GLIS1: variants seen among roughly 807,000 people sequenced by gnomAD.
GLIS1 encodes GLIS family zinc finger 1.
A neutral mutation model predicts 63.8 loss-of-function variants in GLIS1; 24 were observed. The ratio of observed to expected loss-of-function variants is 0.38; its 90% CI spans 0.27 to 0.53. The LOEUF (loss-of-function observed/expected upper bound fraction) is 0.53. GLIS1 is among the 20% of genes least tolerant of loss of function. The pLI, the probability that GLIS1 is intolerant of heterozygous loss-of-function variation, is 0.85. For missense variants in GLIS1, 1,036 were observed against 1,074.1 expected (o/e 0.96, Z 0.50); for synonymous variants, 450 against 482.5 (o/e 0.93, Z 0.88).
At chr1:53,528,147 C>A (rs976312288) in intron 5 of GLIS1, among the ~76,000 whole-genome samples, 2 of 152,076 alleles carry the variant, frequency 1.3e-5, no homozygotes, top group African/African-American at 4.8e-5. Context: ...TGCCACGGGC[C>A]CCTTGGGCTG....
Position 53,558,181 on chromosome 1 carries a change from A to T in GLIS1, c.1321-28229T>A, listed in dbSNP as rs553007899. Among the ~76,000 whole-genome samples the T allele has an allele frequency of 7.5e-4, 115 of 152,356 alleles. No individual in the cohort carries two copies. The Middle Eastern group carries it at 0.014, about 18-fold the overall frequency. ...AGCCTGCCCTCGGAGGTGCAACAGC[A>T]CGCAGGTGGGGTGGCTGCCACAGAG... On this transcript the variant is annotated intron_variant, in intron 4 of 10. Transcript: ENST00000628545.
At position 53,646,415 on chromosome 1, in the gene GLIS1, C is replaced by T. The variant is rs895370774; in HGVS notation, c.260-46137G>A. On this transcript the variant is annotated intron_variant, in intron 2 of 10. Transcript: ENST00000628545. This position sits in a 1 kb window ranked among gnomAD's most constrained non-coding sequence, Gnocchi z 4.2. ...CAATTATATACTTATCTACAATAAA[C>T]AGTAAAGGGAATTTTTTAGATATCA... Among the ~76,000 whole-genome samples the T allele has an allele frequency of 6.6e-6, 1 of 152,096 alleles. No homozygotes were observed. Among genetic ancestry groups the T allele is most frequent in the African/African-American group, 2.4e-5 (1 of 41,410 alleles).
At chr1:53,711,397 A>T (rs1200837898) in intron 2 of GLIS1, among the ~76,000 whole-genome samples, 1 of 152,210 alleles carries the variant, frequency 6.6e-6, no homozygotes, top group Non-Finnish European at 1.5e-5. Flanking sequence ...GTGTCAATTA[A>T]AAACAAAAGA....
chr1:53,700,158 A>G (rs11206197), intron 2 of GLIS1, among the ~76,000 whole-genome samples: 39,256 of 152,038 alleles, frequency 0.26, 5,546 homozygotes, highest in African/African-American at 0.38. Flanking sequence ...AAATGGGAAC[A>G]TCTACAGTGC....
intron 2 of GLIS1, among the ~76,000 whole-genome samples, chr1:53,627,688 C>G (rs922081137): frequency 1.3e-5 from 2 of 152,186 alleles, no homozygotes; most frequent in African/African-American, 4.8e-5. Context: ...AAAGAGATAG[C>G]AGAATGCAGG....
At chr1:53,685,097 G>A (rs185370879) in intron 2 of GLIS1, among the ~76,000 whole-genome samples, 1 of 152,226 alleles carries the variant, frequency 6.6e-6, no homozygotes, top group African/African-American at 2.4e-5. Context: ...AGAAGAGGGT[G>A]GGGAGGCATT....
chr1:53,704,142 T>A (rs774736399), intron 2 of GLIS1, among the ~76,000 whole-genome samples: 4 of 152,240 alleles, frequency 2.6e-5, no homozygotes, highest in African/African-American at 4.8e-5. Context: ...TATGTGGCCT[T>A]TGAAAAGTCT....
intron 8 of GLIS1, 49 bp downstream of exon 8, chr1:53,514,576 G>C: frequency 6.3e-7 from 1 of 1,584,878 alleles, no homozygotes. Flanking sequence ...GCCTCCCCCC[G>C]AGATCCCCCC....
In GLIS1 at chr1:53,610,367, T is replaced by C. The variant is rs572658632; in HGVS notation, c.260-10089A>G. Among the ~76,000 whole-genome samples the C allele has an allele frequency of 7.9e-5, 12 of 152,358 alleles. No individual in the cohort carries two copies. The East Asian group carries it at 2.1e-3, about 27-fold the overall frequency. ...TTGTAAGCCTACTGGCAAGGAATTATCTCAACTTTTTCTGGGACCCAAACA... is the reference window on the plus strand; with the variant it reads ...TTGTAAGCCTACTGGCAAGGAATTACCTCAACTTTTTCTGGGACCCAAACA... On this transcript the variant is annotated intron_variant, in intron 2 of 10. Coordinates refer to ENST00000628545, the MANE Select transcript of GLIS1 (RefSeq NM_001367484.1).
At chr1:53,625,357 G>A (rs1392783270) in intron 2 of GLIS1, among the ~76,000 whole-genome samples, 1 of 152,192 alleles carries the variant, frequency 6.6e-6, no homozygotes, top group Non-Finnish European at 1.5e-5. Flanking sequence ...TCTGGGACCA[G>A]GAAGCCCAGG....
chr1:53,737,955 C>A lies in GLIS1; in HGVS notation c.110G>T (p.Arg37Met), dbSNP rs1218634982. The change falls in exon 2 of 11, where the codon AGG (arginine) becomes ATG (methionine). Residue 37 changes from arginine (R) to methionine (M), a missense_variant. Arg to Met is a moderately conservative substitution (Grantham distance 91). Coordinates refer to ENST00000628545, the MANE Select transcript of GLIS1 (RefSeq NM_001367484.1). ...GCAGCCGCCGCCACTCACGGTGACC[C>A]TGAAGGCCATGTGCGCGCCGAGGCT... is the stretch of plus-strand genomic sequence containing the variant. The part of the protein sequence containing the change: ...PASLGAHMAF[R>M]VTVSGGGCGD... 8.1e-7 allele frequency: 1 copy of A among 1,230,186 alleles called. No individual in the cohort carries two copies. Among genetic ancestry groups the A allele is most frequent in the Non-Finnish European group, 1.0e-6 (1 of 987,010 alleles). The allele number at this position is 1,230,186 out of a possible 1,614,324, so 76.2% of individuals were successfully genotyped here.
chr1:53,554,315 T>C (rs767560729), intron 4 of GLIS1, among the ~76,000 whole-genome samples: 3 of 151,750 alleles, frequency 2.0e-5, no homozygotes, highest in Non-Finnish European at 4.4e-5. Context: ...GAGTCACGAG[T>C]AGAGACAGCC....
At position 53,551,213 on chromosome 1, in the gene GLIS1, A is replaced by G. The variant is rs114707553; in HGVS notation, c.1321-21261T>C. Among the ~76,000 whole-genome samples, 487 of 152,282 alleles carry G rather than the reference A, an allele frequency of 3.2e-3. 2 individuals carry two copies. The highest frequency in any genetic ancestry group is 0.011 in the African/African-American group (477 of 41,544). ...GTGCCCGGCATTGTGCTAAGAGAGG[A>G]GCCAAAGGAAAACATCCCGCCACGG... is the stretch of plus-strand genomic sequence containing the variant. On this transcript the variant is annotated intron_variant, in intron 4 of 10. Transcript: ENST00000628545.
At chr1:53,674,551 T>C (rs527919614) in intron 2 of GLIS1, among the ~76,000 whole-genome samples, 4 of 152,316 alleles carry the variant, frequency 2.6e-5, no homozygotes, top group African/African-American at 9.6e-5. Flanking sequence ...TGCAGGCATG[T>C]GAGCTCTTGT....
intron 2 of GLIS1, among the ~76,000 whole-genome samples, chr1:53,606,681 G>C (rs561060941): frequency 6.6e-6 from 1 of 152,218 alleles, no homozygotes; most frequent in Non-Finnish European, 1.5e-5. Flanking sequence ...CCGGTGGACC[G>C]GGTTAGCTGA....
chr1:53,529,042 A>C (rs1425437903), intron 5 of GLIS1, among the ~76,000 whole-genome samples: 1 of 152,086 alleles, frequency 6.6e-6, no homozygotes, highest in Non-Finnish European at 1.5e-5. Context: ...CCACTTCCCT[A>C]ATCTGTCAAA....
intron 2 of GLIS1, among the ~76,000 whole-genome samples, chr1:53,713,580 C>T (rs1334654975): frequency 6.6e-6 from 1 of 152,202 alleles, no homozygotes; most frequent in East Asian, 1.9e-4. Flanking sequence ...ACGGTGAGAC[C>T]CCATCTCTGC....
chr1:53,700,481 CAAATGCATGGCCTCTGCTCGTGT>C lies in GLIS1; in HGVS notation c.259+37302_259+37324del, dbSNP rs980827555. Among the ~76,000 whole-genome samples the C allele has an allele frequency of 1.7e-3, 257 of 152,220 alleles. 1 individual carries two copies. The highest frequency in any genetic ancestry group is 3.4e-3 in the Middle Eastern group (1 of 294). ...AAGGAAGGATGGAGGGTAACATGAA[CAAATGCATGGCCTCTGCTCGTGT>C]AAATGCATGGCCTCTGCTCGTGTAA... On this transcript the variant is annotated intron_variant, in intron 2 of 10. Transcript: ENST00000628545.
rs558175961 is a variant in GLIS1 at position 53,705,628 on chromosome 1, GA to G, written c.259+32177del. Reference sequence around the variant, plus strand: ...CACCTGCCACCAGGTGTGCAGAAAAGAAAAAAAAGGTGAGTTTTCTGGCTGT... The same window carrying G: ...CACCTGCCACCAGGTGTGCAGAAAAGAAAAAAAGGTGAGTTTTCTGGCTGT... On this transcript the variant is annotated intron_variant, in intron 2 of 10. Coordinates refer to ENST00000628545, the MANE Select transcript of GLIS1 (RefSeq NM_001367484.1). 7.9e-5 allele frequency among the ~76,000 whole-genome samples: 12 copies of G among 151,612 alleles called. 1 individual carries two copies. In the South Asian group the frequency reaches 2.3e-3, roughly 29 times the overall value.
Sources: gnomAD v4.1 joint callset for allele counts (sites outside exome capture counted in the v4.1 genomes callset) on GRCh38, gnomAD v4.1.1 for gene constraint, Gnocchi (gnomAD v3.1) non-coding constraint, MANE v1.5 for transcripts, NCBI Gene and HGNC (gene_info 2026-07-23, HGNC 2026-07-21) for gene names.